Variants in SLC2A13 observed in about 807,000 individuals in gnomAD.
SLC2A13 encodes the protein solute carrier family 2 member 13.
SLC2A13 carries 32 observed loss-of-function variants against 64.4 expected under a neutral mutation model. The ratio of observed to expected loss-of-function variants is 0.50; its 90% CI spans 0.37 to 0.67. The LOEUF (loss-of-function observed/expected upper bound fraction) is 0.67, where lower values mean the gene tolerates loss of function less well. Among genes scored for constraint, SLC2A13 ranks in the 30% least tolerant of loss-of-function variants. SLC2A13 has a pLI of 0.00. For missense variants in SLC2A13, 743 were observed against 829.2 expected (o/e 0.90, Z 1.28); for synonymous variants, 338 against 327.1 (o/e 1.03, Z -0.36).
At chr12:40,029,339 A>G (rs1947870184) in intron 2 of SLC2A13, among the ~76,000 whole-genome samples, 1 of 152,184 alleles carries the variant, frequency 6.6e-6, no homozygotes, top group South Asian at 2.1e-4. Flanking sequence ...GCTGAATTAG[A>G]TAAAATTTAA....
intron 7 of SLC2A13, among the ~76,000 whole-genome samples, chr12:39,809,088 G>T (rs902298191): frequency 6.6e-6 from 1 of 151,926 alleles, no homozygotes; most frequent in Non-Finnish European, 1.5e-5. Flanking sequence ...TTGTGTTTAG[G>T]GTGTAAGAGT....
At chr12:39,886,765 T>C (rs2135969688) in intron 4 of SLC2A13, among the ~76,000 whole-genome samples, 1 of 152,300 alleles carries the variant, frequency 6.6e-6, no homozygotes, top group South Asian at 2.1e-4. Context: ...ACAAAAAGAA[T>C]AACGGCTAAT....
chr12:40,000,019 C>A (rs1316233697), intron 3 of SLC2A13, among the ~76,000 whole-genome samples: 1 of 152,154 alleles, frequency 6.6e-6, no homozygotes, highest in African/African-American at 2.4e-5. Context: ...ATAGAAAGAA[C>A]CTACACTGAA....
intron 1 of SLC2A13, among the ~76,000 whole-genome samples, chr12:40,073,992 A>G: frequency 6.6e-6 from 1 of 151,742 alleles, no homozygotes; most frequent in East Asian, 1.9e-4. Context: ...TTTCTTTTAT[A>G]TGTATGTTAC....
At chr12:40,081,084 GA>G (rs199719943) in intron 1 of SLC2A13, among the ~76,000 whole-genome samples, 2,024 of 152,266 alleles carry the variant, frequency 0.013, 125 homozygotes, top group Admixed American at 0.094. Context: ...TTAGCCTAAT[GA>G]GATTCTCTTT....
At chr12:40,016,315 T>C (rs2136200723) in intron 3 of SLC2A13, among the ~76,000 whole-genome samples, 1 of 152,292 alleles carries the variant, frequency 6.6e-6, no homozygotes, top group East Asian at 1.9e-4. Flanking sequence ...GTAATTCTTG[T>C]GAAATGAACA....
intron 1 of SLC2A13, among the ~76,000 whole-genome samples, chr12:40,084,796 C>T (rs975849978): frequency 6.6e-6 from 1 of 152,146 alleles, no homozygotes; most frequent in Admixed American, 6.5e-5. Context: ...TGTTTCATGG[C>T]ATACAACTCC....
At chr12:40,042,665 A>G (rs1167183206) in intron 2 of SLC2A13, among the ~76,000 whole-genome samples, 1 of 152,190 alleles carries the variant, frequency 6.6e-6, no homozygotes, top group African/African-American at 2.4e-5. Flanking sequence ...GCTCAGTTCA[A>G]TAAACATTTA....
At chr12:40,004,023 C>CA (rs765923409) in intron 3 of SLC2A13, among the ~76,000 whole-genome samples, 5 of 150,542 alleles carry the variant, frequency 3.3e-5, no homozygotes, top group Non-Finnish European at 5.9e-5. Flanking sequence ...AAATTCCTCC[C>CA]AAAAAACACA....
chr12:39,947,304 A>G (rs776558892), intron 4 of SLC2A13, among the ~76,000 whole-genome samples: 1 of 152,184 alleles, frequency 6.6e-6, no homozygotes, highest in African/African-American at 2.4e-5. Context: ...TTTCTGTGTA[A>G]CCTTAAAAGA....
At chr12:39,852,820 C>T (rs74086790) in intron 6 of SLC2A13, among the ~76,000 whole-genome samples, 3,004 of 152,254 alleles carry the variant, frequency 0.02, 104 homozygotes, top group African/African-American at 0.068. Flanking sequence ...ATTTGCATAG[C>T]GGTATAACTT....
intron 4 of SLC2A13, among the ~76,000 whole-genome samples, chr12:39,891,119 C>G (rs933091071): frequency 8.9e-6 from 1 of 111,848 alleles, no homozygotes; most frequent in South Asian, 2.9e-4. Context: ...TTCAAATATA[C>G]CTTTTTTTTT....
chr12:40,024,927 C>G (rs1466478427), intron 3 of SLC2A13, among the ~76,000 whole-genome samples: 1 of 152,168 alleles, frequency 6.6e-6, no homozygotes, highest in Non-Finnish European at 1.5e-5. Context: ...GAGACACAGC[C>G]AGTGATATTC....
chr12:39,942,566 C>G (rs887059303), intron 4 of SLC2A13, among the ~76,000 whole-genome samples: 3 of 152,126 alleles, frequency 2.0e-5, no homozygotes, highest in African/African-American at 7.2e-5. Flanking sequence ...AATCTTGTAC[C>G]AGGAAACTTT....
At chr12:39,976,471 TTCCACGATTCATTTGAAATTA>T (rs1946759849) in intron 3 of SLC2A13, among the ~76,000 whole-genome samples, 1 of 152,240 alleles carries the variant, frequency 6.6e-6, no homozygotes, top group Non-Finnish European at 1.5e-5. Flanking sequence ...CATTTATTAA[TTCCACGATTCATTTGAAATTA>T]GAATAGTTAA....
At position 40,105,111 on chromosome 12, in the gene SLC2A13, G is replaced by C. The variant is rs1461519928; in HGVS notation, c.556+142C>G. 2 of 1,383,302 alleles carry C rather than the reference G, an allele frequency of 1.4e-6. No homozygotes were observed. Among genetic ancestry groups the C allele is most frequent in the Non-Finnish European group, 1.9e-6 (2 of 1,071,916 alleles). 85.7% of individuals were successfully genotyped at this position (1,383,302 alleles called of 1,614,324 possible). A position where few individuals can be genotyped will look rare whatever the true frequency, so the allele number is the denominator to read the frequency against. On this transcript the variant is annotated intron_variant, in intron 1 of 9. Transcript: ENST00000280871. The surrounding 1 kb of genome is among the most constrained non-coding windows in gnomAD (Gnocchi z 4.2). ...TGGAGGCTGGACCAACAAACAGATG[G>C]GCTCTGGAGGCCAGAGAAGTGGAGG...
chr12:40,010,021 T>C (rs1306937812), intron 3 of SLC2A13, among the ~76,000 whole-genome samples: 2 of 152,212 alleles, frequency 1.3e-5, no homozygotes, highest in Non-Finnish European at 2.9e-5. Flanking sequence ...TCTAAAAGAA[T>C]GTGACGTGGT....
chr12:39,829,967 G>T, intron 7 of SLC2A13, 136 bp downstream of exon 7: 1 of 1,069,160 alleles, frequency 9.4e-7, no homozygotes. Context: ...ACTATCACCA[G>T]TATATGCTGC....
chr12:39,975,681 G>A (rs1946745179), intron 3 of SLC2A13, among the ~76,000 whole-genome samples: 1 of 152,206 alleles, frequency 6.6e-6, no homozygotes, highest in South Asian at 2.1e-4. Flanking sequence ...CTGTCTGGAG[G>A]AAGATTTATT....
Sources: allele counts gnomAD v4.1 joint callset (sites outside exome capture counted in the v4.1 genomes callset), GRCh38; gene constraint gnomAD v4.1.1; non-coding constraint Gnocchi (gnomAD v3.1); transcripts MANE v1.5; gene names NCBI Gene and HGNC (gene_info 2026-07-23, HGNC 2026-07-21).